The following FTCDNL1 variants were observed in gnomAD, a reference collection of about 807,000 sequenced individuals.
FTCDNL1 encodes the protein formiminotransferase N-terminal subdomain-containing protein.
In FTCDNL1, 11 loss-of-function variants were observed where a neutral mutation model predicts 5.9. That is an observed-to-expected ratio of 1.87 (90% CI 1.18 to 3.10). The LOEUF is 3.10. FTCDNL1 is among the 30% of genes most tolerant of loss of function. The probability of loss-of-function intolerance (pLI) is 0.00; values close to 1 mark genes in which losing one functional copy is unlikely to be tolerated. For synonymous variants in FTCDNL1, 58 were observed against 24.8 expected (o/e 2.34, Z -3.99); for missense variants, 115 against 65.5 (o/e 1.76, Z -2.61).
At chr2:199,813,912 CAAAAA>C (rs397987315) in intron 4 of FTCDNL1, among the ~76,000 whole-genome samples, 1 of 106,384 alleles carries the variant, frequency 9.4e-6, no homozygotes, top group Non-Finnish European at 1.9e-5. Flanking sequence ...GACTCTGTCT[CAAAAA>C]AAAAAAAAAA....
the FTCDNL1 span, among the ~76,000 whole-genome samples, chr2:199,734,034 A>G: frequency 6.6e-6 from 1 of 152,132 alleles, no homozygotes; most frequent in Non-Finnish European, 1.5e-5. Context: ...AAGTTCTGTT[A>G]ATTTATTATT....
chr2:199,745,275 A>G, the FTCDNL1 span, among the ~76,000 whole-genome samples: 1 of 152,250 alleles, frequency 6.6e-6, no homozygotes, highest in East Asian at 1.9e-4. Context: ...AAAAATCCCT[A>G]TCTTCATGGA....
intron 3 of FTCDNL1, among the ~76,000 whole-genome samples, chr2:199,768,997 C>T (rs761911044): frequency 1.7e-4 from 26 of 152,124 alleles, no homozygotes; most frequent in Admixed American, 2.6e-4. Context: ...CAATCTAATA[C>T]GGTGCTGCAA....
chr2:199,709,744 A>G, the FTCDNL1 span, among the ~76,000 whole-genome samples: 3 of 152,128 alleles, frequency 2.0e-5, no homozygotes, highest in Non-Finnish European at 4.4e-5. Flanking sequence ...AGCAGAGACA[A>G]GTTCAAGTTT....
the FTCDNL1 span, among the ~76,000 whole-genome samples, chr2:199,674,434 A>G: frequency 2.0e-5 from 3 of 152,196 alleles, no homozygotes; most frequent in Non-Finnish European, 4.4e-5. Flanking sequence ...CTGTTGAATA[A>G]TAGTGAAGCA....
chr2:199,744,966 G>T, the FTCDNL1 span, among the ~76,000 whole-genome samples: 1 of 152,204 alleles, frequency 6.6e-6, no homozygotes, highest in Non-Finnish European at 1.5e-5. Context: ...GAGACTTTGT[G>T]CACGCCTCTC....
intron 3 of FTCDNL1, among the ~76,000 whole-genome samples, chr2:199,773,763 C>T (rs1380297215): frequency 1.3e-5 from 2 of 152,182 alleles, no homozygotes; most frequent in Non-Finnish European, 2.9e-5. Context: ...TGGGTCACAT[C>T]CCCCCAACTA....
rs565785402 is a variant in FTCDNL1, at chr2:199,811,321, C to A, written c.*1384G>T. 6.6e-6 allele frequency among the ~76,000 whole-genome samples: 1 copy of A among 152,318 alleles called. No individual in the cohort carries two copies. The highest frequency in any genetic ancestry group is 1.5e-5 in the Non-Finnish European group (1 of 68,022). On this transcript the variant is annotated 3_prime_UTR_variant, in exon 5 of 5. Coordinates refer to ENST00000420128, the MANE Select transcript of FTCDNL1 (RefSeq NM_001363886.2). ...AGAAAACTTCCAAACATTTTTCTCT[C>A]ATTTACCCCCCAATAAGTCATGTTA...
intron 2 of FTCDNL1, 93 bp downstream of exon 2, chr2:199,848,755 A>C: frequency 1.7e-6 from 1 of 595,364 alleles, no homozygotes; most frequent in South Asian, 2.1e-5. Flanking sequence ...AGAAAGAAAG[A>C]AAAGTGTTCT....
chr2:199,759,139 G>GTATATATATATATATATATATATATA (rs372109443), downstream of FTCDNL1, among the ~76,000 whole-genome samples: 1 of 151,030 alleles, frequency 6.6e-6, no homozygotes, highest in African/African-American at 2.4e-5. Context: ...ATATTTGTGT[G>GTATATATATATATATATATATATATA]TGTATATATA....
the FTCDNL1 span, among the ~76,000 whole-genome samples, chr2:199,698,770 T>C: frequency 1.3e-5 from 2 of 151,442 alleles, no homozygotes; most frequent in Admixed American, 1.3e-4. Context: ...ATAACCAAAA[T>C]GAGAGCTGAA....
the FTCDNL1 span, among the ~76,000 whole-genome samples, chr2:199,683,769 GC>G: frequency 6.6e-6 from 1 of 152,242 alleles, no homozygotes; most frequent in East Asian, 1.9e-4. Flanking sequence ...GTTTGTGAAT[GC>G]AAAATACCTT....
intron 3 of FTCDNL1, among the ~76,000 whole-genome samples, chr2:199,779,681 C>CA (rs1699263435): frequency 6.6e-6 from 1 of 152,188 alleles, no homozygotes; most frequent in East Asian, 1.9e-4. Flanking sequence ...GACATAAGGA[C>CA]AATCAAACCT....
intron 3 of FTCDNL1, among the ~76,000 whole-genome samples, chr2:199,776,278 T>C (rs1236658994): frequency 6.6e-6 from 1 of 152,164 alleles, no homozygotes; most frequent in African/African-American, 2.4e-5. Context: ...ATCTGTCATA[T>C]AATGAGAACA....
chr2:199,731,887 C>CAA, the FTCDNL1 span, among the ~76,000 whole-genome samples: 3,203 of 117,442 alleles, frequency 0.027, 121 homozygotes, highest in African/African-American at 0.092. Context: ...GACTCCGTCT[C>CAA]AAAAAAAAAA....
chr2:199,728,357 C>T, the FTCDNL1 span, among the ~76,000 whole-genome samples: 1 of 152,068 alleles, frequency 6.6e-6, no homozygotes, highest in Non-Finnish European at 1.5e-5. Context: ...TGCCATTCTC[C>T]TGCCTCAGCC....
chr2:199,815,179 G>C (rs957562344), intron 4 of FTCDNL1, among the ~76,000 whole-genome samples: 2 of 152,066 alleles, frequency 1.3e-5, no homozygotes, highest in African/African-American at 4.8e-5. Flanking sequence ...TTACTGCTTT[G>C]CCCTTATTTA....
At chr2:199,708,314 A>G in the FTCDNL1 span, among the ~76,000 whole-genome samples, 1 of 151,872 alleles carries the variant, frequency 6.6e-6, no homozygotes, top group African/African-American at 2.4e-5. Context: ...CACCATGCAT[A>G]TTTTTTAAAT....
intron 3 of FTCDNL1, 30 bp downstream of exon 3, chr2:199,846,043 CAT>C (rs980789771): frequency 1.5e-6 from 1 of 670,780 alleles, no homozygotes; most frequent in Non-Finnish European, 2.7e-6. Flanking sequence ...AAAAAAAAGA[CAT>C]ATATGTAAAG....
Sources: gnomAD v4.1 joint callset for allele counts (sites outside exome capture counted in the v4.1 genomes callset) on GRCh38, gnomAD v4.1.1 for gene constraint, MANE v1.5 for transcripts, NCBI Gene and HGNC (gene_info 2026-07-23, HGNC 2026-07-21) for gene names.